Variants in FHIT observed in about 807,000 individuals in gnomAD.
FHIT encodes the protein fragile histidine triad diadenosine triphosphatase.
FHIT carries 19 observed loss-of-function variants against 17.9 expected under a neutral mutation model. That is an observed-to-expected ratio of 1.06 (90% CI 0.74 to 1.56). The LOEUF (loss-of-function observed/expected upper bound fraction) is 1.56. Among genes scored for constraint, FHIT ranks in the 40% most tolerant of loss-of-function variants. The probability of loss-of-function intolerance (pLI) is 0.00; values close to 1 mark genes in which losing one functional copy is unlikely to be tolerated. For missense variants in FHIT, 248 were observed against 189.2 expected (o/e 1.31, Z -1.82); for synonymous variants, 81 against 69.7 (o/e 1.16, Z -0.81).
At chr3:60,020,807 T>C (rs552808597) in intron 5 of FHIT, among the ~76,000 whole-genome samples, 1 of 152,346 alleles carries the variant, frequency 6.6e-6, no homozygotes, top group Non-Finnish European at 1.5e-5. Context: ...TTGATTTAAA[T>C]AGCACAATTA....
At chr3:59,750,128 G>A (rs552987514) in intron 9 of FHIT, 1 of 226,962 alleles carries the variant, frequency 4.4e-6, no homozygotes, top group Non-Finnish European at 8.8e-6. Context: ...AAGACAGGAG[G>A]TGTCAGGCCT....
intron 5 of FHIT, among the ~76,000 whole-genome samples, chr3:60,267,182 A>G (rs886563515): frequency 1.1e-4 from 17 of 152,166 alleles, no homozygotes; most frequent in African/African-American, 2.9e-4. Context: ...AAAAGTATAC[A>G]TATTACTTAG....
intron 2 of FHIT, among the ~76,000 whole-genome samples, chr3:61,153,006 G>T (rs1193665492): frequency 2.6e-5 from 4 of 152,210 alleles, no homozygotes; most frequent in African/African-American, 9.6e-5. Context: ...AGCCGGGCGT[G>T]GTGACACGCA....
intron 5 of FHIT, among the ~76,000 whole-genome samples, chr3:60,352,112 G>A (rs1416681147): frequency 6.6e-6 from 1 of 152,160 alleles, no homozygotes; most frequent in African/African-American, 2.4e-5. Flanking sequence ...TGAGGAGCAT[G>A]CCTTGCTCAT....
chr3:60,289,698 A>G (rs995430290), intron 5 of FHIT, among the ~76,000 whole-genome samples: 2 of 152,208 alleles, frequency 1.3e-5, no homozygotes, highest in Admixed American at 1.3e-4. Flanking sequence ...TATTCTAATT[A>G]TGTAGAAATG....
intron 5 of FHIT, among the ~76,000 whole-genome samples, chr3:60,229,281 G>C (rs1704372710): frequency 6.6e-6 from 1 of 152,062 alleles, no homozygotes; most frequent in African/African-American, 2.4e-5. Flanking sequence ...GCCAGGTGTG[G>C]TGGTGAGCAT....
chr3:59,861,621 A>T (rs999454718), intron 8 of FHIT, among the ~76,000 whole-genome samples: 4 of 152,242 alleles, frequency 2.6e-5, no homozygotes, highest in African/African-American at 9.6e-5. Flanking sequence ...GAGGAACAAT[A>T]AAGGAAGGTG....
chr3:60,113,675 C>A (rs970767235), intron 5 of FHIT, among the ~76,000 whole-genome samples: 3 of 151,564 alleles, frequency 2.0e-5, no homozygotes, highest in Admixed American at 6.6e-5. Flanking sequence ...CTTAACACTT[C>A]TCAACTGTAC....
chr3:61,052,094 T>G (rs998896821), intron 2 of FHIT, among the ~76,000 whole-genome samples: 34 of 152,230 alleles, frequency 2.2e-4, no homozygotes, highest in Non-Finnish European at 5.9e-5. Context: ...GAATTTTGTT[T>G]CCCAATATCC....
chr3:61,132,393 T>A (rs931847951), intron 2 of FHIT, among the ~76,000 whole-genome samples: 10 of 152,226 alleles, frequency 6.6e-5, no homozygotes, highest in African/African-American at 2.2e-4. Flanking sequence ...ACACCTGCTG[T>A]ATTTCAAGCC....
chr3:60,883,366 C>T (rs1049679618), intron 3 of FHIT, among the ~76,000 whole-genome samples: 1 of 151,916 alleles, frequency 6.6e-6, no homozygotes, highest in Admixed American at 6.6e-5. Flanking sequence ...TAGAAAAAAT[C>T]CTAAAATTTA....
At position 61,186,186 on chromosome 3, in the gene FHIT, G is replaced by A. The variant is rs2107187432; in HGVS notation, c.-164+14431C>T. On this transcript the variant is annotated intron_variant, in intron 2 of 9. Coordinates refer to ENST00000492590, the MANE Select transcript of FHIT (RefSeq NM_002012.4). ...GGTAACTAAGTTATTTACATCACTGGGACTCTTCCAGTGTTATTAAAGTTG... is the reference window on the plus strand; with the variant it reads ...GGTAACTAAGTTATTTACATCACTGAGACTCTTCCAGTGTTATTAAAGTTG... 3.9e-5 allele frequency among the ~76,000 whole-genome samples: 6 copies of A among 152,158 alleles called. No individual in the cohort carries two copies. In the South Asian group the frequency reaches 1.2e-3, roughly 32 times the overall value.
At chr3:60,570,415 G>A (rs1476430737) in intron 4 of FHIT, among the ~76,000 whole-genome samples, 1 of 152,122 alleles carries the variant, frequency 6.6e-6, no homozygotes, top group Non-Finnish European at 1.5e-5. Flanking sequence ...CTGAGAGTAT[G>A]TATAAGTTGG....
chr3:60,418,190 C>T (rs1233067381), intron 5 of FHIT, among the ~76,000 whole-genome samples: 1 of 151,618 alleles, frequency 6.6e-6, no homozygotes, highest in East Asian at 1.9e-4. Context: ...ACTAAAACCT[C>T]GCTTTATGTC....
chr3:59,839,055 G>A (rs1701436577), intron 8 of FHIT, among the ~76,000 whole-genome samples: 1 of 152,104 alleles, frequency 6.6e-6, no homozygotes, highest in Non-Finnish European at 1.5e-5. Flanking sequence ...GGTAGCTCAT[G>A]TCCCCAATCC....
chr3:61,210,918 G>T lies in FHIT; in HGVS notation c.-212-10253C>A, dbSNP rs930710119. Among the ~76,000 whole-genome samples, 7 of 151,978 alleles carry T rather than the reference G, an allele frequency of 4.6e-5. No individual in the cohort carries two copies. In the East Asian group the frequency reaches 1.4e-3, roughly 30 times the overall value. ...TCGCTCACACTGGGAGCTGTAGACTGGAACTGTTCCTATTCGGTCATCTTG... is the reference window on the plus strand; with the variant it reads ...TCGCTCACACTGGGAGCTGTAGACTTGAACTGTTCCTATTCGGTCATCTTG... On this transcript the variant is annotated intron_variant, in intron 1 of 9. Coordinates refer to ENST00000492590, the MANE Select transcript of FHIT (RefSeq NM_002012.4).
intron 5 of FHIT, among the ~76,000 whole-genome samples, chr3:60,378,090 G>A (rs544425157): frequency 1.7e-4 from 26 of 151,826 alleles, no homozygotes; most frequent in African/African-American, 5.8e-4. Context: ...GCAGTGGCGC[G>A]ATCACGGCTC....
At chr3:60,952,170 C>T (rs1186661644) in intron 3 of FHIT, among the ~76,000 whole-genome samples, 1 of 93,568 alleles carries the variant, frequency 1.1e-5, no homozygotes, top group African/African-American at 4.5e-5. Flanking sequence ...GTCCTCCCCA[C>T]CCCCCCCCCA....
chr3:60,466,965 C>A (rs1036758101), intron 5 of FHIT, among the ~76,000 whole-genome samples: 19 of 151,734 alleles, frequency 1.3e-4, no homozygotes, highest in African/African-American at 4.6e-4. Flanking sequence ...TGGTTCTTTA[C>A]GCATTTGCTA....
Sources: allele counts gnomAD v4.1 joint callset (sites outside exome capture counted in the v4.1 genomes callset), GRCh38; gene constraint gnomAD v4.1.1; transcripts MANE v1.5; gene names NCBI Gene and HGNC (gene_info 2026-07-23, HGNC 2026-07-21).